The following FAR2 variants were observed in gnomAD, a reference collection of about 807,000 sequenced individuals.
FAR2 encodes fatty acyl-CoA reductase 2.
FAR2 carries 19 observed loss-of-function variants against 56.0 expected under a neutral mutation model. The ratio of observed to expected loss-of-function variants is 0.34; its 90% CI spans 0.24 to 0.50. FAR2 has a LOEUF of 0.50. FAR2 is among the 20% of genes least tolerant of loss of function. The pLI is 0.98. For synonymous variants in FAR2, 219 were observed against 218.8 expected (o/e 1.00, Z -0.01); for missense variants, 508 against 642.2 (o/e 0.79, Z 2.26).
intron 1 of FAR2, among the ~76,000 whole-genome samples, chr12:29,224,997 TC>T (rs1392941498): frequency 6.6e-6 from 1 of 152,114 alleles, no homozygotes; most frequent in Admixed American, 6.5e-5. Flanking sequence ...GACAGGTGCC[TC>T]CCACTTGAGG....
At chr12:29,236,679 C>T (rs1463066010) in intron 1 of FAR2, among the ~76,000 whole-genome samples, 1 of 152,208 alleles carries the variant, frequency 6.6e-6, no homozygotes, top group Non-Finnish European at 1.5e-5. Flanking sequence ...ACTTCCCTGC[C>T]TTGGTGTGGG....
At chr12:29,298,031 C>T (rs1221498094) in intron 4 of FAR2, among the ~76,000 whole-genome samples, 4 of 94,076 alleles carry the variant, frequency 4.3e-5, no homozygotes, top group East Asian at 3.2e-4. Context: ...AGTGAAACTC[C>T]GTCTCAAAAA....
rs115681892 is a variant in FAR2, at chr12:29,259,303, T to C, written c.-38-11109T>C. On this transcript the variant is annotated intron_variant, in intron 1 of 11. Transcript: ENST00000536681. Reference sequence around the variant, plus strand: ...TGCTGCTAAGCATCCTACGTTGCACTGGACAACCTTCACAACAGAGAATGA... The same window carrying C: ...TGCTGCTAAGCATCCTACGTTGCACCGGACAACCTTCACAACAGAGAATGA... Among the ~76,000 whole-genome samples, 1,020 of 152,294 alleles carry C rather than the reference T, an allele frequency of 6.7e-3. 11 individuals are homozygous for C. Among genetic ancestry groups the C allele is most frequent in the African/African-American group, 0.022 (928 of 41,568 alleles).
At chr12:29,315,026 A>C (rs1383546126) in intron 8 of FAR2, among the ~76,000 whole-genome samples, 1 of 152,166 alleles carries the variant, frequency 6.6e-6, no homozygotes. Flanking sequence ...AAATTTTGTT[A>C]TGGTACTTAA....
intron 1 of FAR2, among the ~76,000 whole-genome samples, chr12:29,268,927 G>A (rs1948566355): frequency 6.6e-6 from 1 of 152,170 alleles, no homozygotes; most frequent in Non-Finnish European, 1.5e-5. Flanking sequence ...GTGGGTCACA[G>A]ACATCAAGTC....
At chr12:29,287,880 G>T (rs191643392) in intron 2 of FAR2, among the ~76,000 whole-genome samples, 4 of 152,214 alleles carry the variant, frequency 2.6e-5, no homozygotes, top group African/African-American at 4.8e-5. Flanking sequence ...TGTTTCAAAA[G>T]CATTATATAA....
intron 10 of FAR2, among the ~76,000 whole-genome samples, chr12:29,330,175 A>G (rs907484451): frequency 6.7e-6 from 1 of 149,808 alleles, no homozygotes; most frequent in Non-Finnish European, 1.5e-5. Context: ...TCCTGTCTCA[A>G]CCTCCCAAGT....
chr12:29,280,234 T>G (rs1189239938), intron 2 of FAR2, among the ~76,000 whole-genome samples: 1 of 152,178 alleles, frequency 6.6e-6, no homozygotes, highest in African/African-American at 2.4e-5. Flanking sequence ...TAAATGTTAG[T>G]TTTTTATCAG....
intron 1 of FAR2, among the ~76,000 whole-genome samples, chr12:29,256,763 G>A (rs1714350633): frequency 6.6e-6 from 1 of 152,342 alleles, no homozygotes; most frequent in Admixed American, 6.5e-5. Flanking sequence ...GCCAGCCCCG[G>A]CAATGAAGGG....
chr12:29,298,449 C>T (rs1224809911), intron 4 of FAR2, among the ~76,000 whole-genome samples: 1 of 151,866 alleles, frequency 6.6e-6, no homozygotes, highest in Non-Finnish European at 1.5e-5. Context: ...AGTTCATTAC[C>T]TTCAGGGCAA....
intron 1 of FAR2, among the ~76,000 whole-genome samples, chr12:29,248,279 A>G (rs1948159008): frequency 6.6e-6 from 1 of 152,298 alleles, no homozygotes; most frequent in East Asian, 1.9e-4. Flanking sequence ...TATTCACATA[A>G]GTTCTTTTCT....
intron 1 of FAR2, among the ~76,000 whole-genome samples, chr12:29,254,287 TTA>T (rs1948279701): frequency 6.6e-6 from 1 of 152,058 alleles, no homozygotes; most frequent in Non-Finnish European, 1.5e-5. Context: ...ACTCAGGAAA[TTA>T]AAGCAAAAAA....
At chr12:29,191,663 T>C (rs1217306414) in intron 1 of FAR2, among the ~76,000 whole-genome samples, 1 of 152,234 alleles carries the variant, frequency 6.6e-6, no homozygotes, top group Admixed American at 6.5e-5. Context: ...AAGTGTTAAG[T>C]GGCTAAATTA....
intron 1 of FAR2, among the ~76,000 whole-genome samples, chr12:29,267,460 T>G (rs1948537357): frequency 6.6e-6 from 1 of 152,160 alleles, no homozygotes; most frequent in Non-Finnish European, 1.5e-5. Context: ...TTTCCTGAGG[T>G]CACACAGCTA....
At chr12:29,283,722 T>C (rs1474944830) in intron 2 of FAR2, among the ~76,000 whole-genome samples, 1 of 152,236 alleles carries the variant, frequency 6.6e-6, no homozygotes, top group African/African-American at 2.4e-5. Context: ...AAATTTCGTG[T>C]GTTGAAATGT....
At chr12:29,193,087 TA>T (rs915787765) in intron 1 of FAR2, among the ~76,000 whole-genome samples, 10 of 151,802 alleles carry the variant, frequency 6.6e-5, no homozygotes, top group African/African-American at 2.4e-4. Context: ...TTAAAGCTTT[TA>T]TTTTTTTTTA....
At chr12:29,208,127 C>G (rs529029470) in intron 1 of FAR2, among the ~76,000 whole-genome samples, 1 of 152,370 alleles carries the variant, frequency 6.6e-6, no homozygotes, top group African/African-American at 2.4e-5. Flanking sequence ...TTGCAGCTGA[C>G]TAGAAGCTCA....
chr12:29,229,024 G>A lies in FAR2; in HGVS notation c.-38-41388G>A, dbSNP rs903817768. 4.2e-4 allele frequency among the ~76,000 whole-genome samples: 64 copies of A among 152,188 alleles called. 1 individual carries two copies. Among genetic ancestry groups the A allele is most frequent in the African/African-American group, 1.3e-3 (52 of 41,446 alleles). On this transcript the variant is annotated intron_variant, in intron 1 of 11. Coordinates refer to ENST00000536681, the MANE Select transcript of FAR2 (RefSeq NM_001271783.2). The stretch of plus-strand genomic sequence containing the variant: ...TTACTCAGTTTTGACATTCTTTGCA[G>A]TTAGGTCAACAATGCTTGTTTTTAA...
In FAR2 at chr12:29,316,974, C is replaced by T. The variant is rs1404657409; in HGVS notation, c.1089C>T (p.Ile363=). The T allele has an allele frequency of 1.4e-5, 22 of 1,613,940 alleles. No homozygotes were observed. Among genetic ancestry groups the T allele is most frequent in the Non-Finnish European group, 1.7e-5 (20 of 1,179,886 alleles). The change falls in exon 9 of 12, where the codon ATC becomes ATT. Residue 363 remains isoleucine, a synonymous_variant. Transcript: ENST00000536681. ...NAVSHRAPAI[I]YDCYLRLTGR... ...TCAGCCACCGGGCCCCTGCCATTAT[C>T]TATGACTGCTATCTGCGGCTCACTG...
Sources: gnomAD v4.1 joint callset for allele counts (sites outside exome capture counted in the v4.1 genomes callset) on GRCh38, gnomAD v4.1.1 for gene constraint, MANE v1.5 for transcripts, NCBI Gene and HGNC (gene_info 2026-07-23, HGNC 2026-07-21) for gene names.